Variants in GFRAL observed in about 807,000 individuals in gnomAD.
The protein encoded by GFRAL is GDNF family receptor alpha like, also known as GDNF family receptor alpha-like.
A neutral mutation model predicts 45.4 loss-of-function variants in GFRAL; 36 were observed. That is an observed-to-expected ratio of 0.79 (90% CI 0.61 to 1.05). The LOEUF is 1.05. Among genes scored for constraint, GFRAL ranks in the 50% least tolerant of loss-of-function variants. GFRAL has a pLI of 0.00. For synonymous variants in GFRAL, 166 were observed against 154.1 expected (o/e 1.08, Z -0.57); for missense variants, 507 against 467.5 (o/e 1.08, Z -0.78).
At chr6:55,392,879 A>T (rs1447666638) in intron 6 of GFRAL, among the ~76,000 whole-genome samples, 2 of 152,132 alleles carry the variant, frequency 1.3e-5, no homozygotes, top group East Asian at 1.9e-4. Flanking sequence ...CTTAAAAATT[A>T]AACAAAATAG....
Position 55,351,340 on chromosome 6 carries a change from AAG to A in GFRAL, c.459_460del (p.Lys153AsnfsTer10). The A allele has an allele frequency of 6.2e-7, 1 of 1,613,652 alleles. No homozygotes were observed. The highest frequency in any genetic ancestry group is 8.5e-7 in the Non-Finnish European group (1 of 1,179,740). On this transcript the variant is annotated frameshift_variant, in exon 5 of 9. Transcript: ENST00000340465. LOFTEE classifies it high-confidence loss of function. ...AATGCACAGTTGGCCTCTTACCTTA[AAG>A]CTTGCTCAGCAAATGGAAATCCGTG... is the stretch of plus-strand genomic sequence containing the variant.
chr6:55,336,721 TC>T, intron 3 of GFRAL, among the ~76,000 whole-genome samples: 1 of 152,294 alleles, frequency 6.6e-6, no homozygotes, highest in South Asian at 2.1e-4. Flanking sequence ...TCATTTATTT[TC>T]CCTGCTTTAT....
intron 3 of GFRAL, among the ~76,000 whole-genome samples, chr6:55,344,010 C>T (rs568348016): frequency 6.6e-6 from 1 of 152,208 alleles, no homozygotes; most frequent in Non-Finnish European, 1.5e-5. Context: ...CCTGCATAGA[C>T]CAATAACAAG....
intron 6 of GFRAL, among the ~76,000 whole-genome samples, chr6:55,384,038 C>A (rs1288478286): frequency 2.0e-5 from 3 of 151,958 alleles, no homozygotes; most frequent in Non-Finnish European, 4.4e-5. Context: ...GTCAATGGAA[C>A]AAAAGATCTC....
At chr6:55,365,169 G>A (rs1229186855) in intron 6 of GFRAL, among the ~76,000 whole-genome samples, 1 of 150,762 alleles carries the variant, frequency 6.6e-6, no homozygotes, top group Non-Finnish European at 1.5e-5. Context: ...CTTGTAAGTG[G>A]GATTCCTAGG....
At chr6:55,358,485 G>A (rs1474863761) in intron 5 of GFRAL, among the ~76,000 whole-genome samples, 2 of 151,914 alleles carry the variant, frequency 1.3e-5, no homozygotes, top group African/African-American at 4.8e-5. Flanking sequence ...GACTTGAAAA[G>A]TCAAATACCT....
chr6:55,387,949 T>C (rs1768701020), intron 6 of GFRAL, among the ~76,000 whole-genome samples: 1 of 152,166 alleles, frequency 6.6e-6, no homozygotes, highest in Non-Finnish European at 1.5e-5. Flanking sequence ...AAATTAGTTC[T>C]CAAACTAGAT....
chr6:55,364,722 C>T (rs1768334241), intron 6 of GFRAL, among the ~76,000 whole-genome samples: 1 of 151,682 alleles, frequency 6.6e-6, no homozygotes, highest in East Asian at 1.9e-4. Context: ...TTGTTTTTCT[C>T]AGGTTTGTCA....
intron 3 of GFRAL, among the ~76,000 whole-genome samples, chr6:55,337,852 A>ATG (rs1410095664): frequency 6.6e-6 from 1 of 151,862 alleles, no homozygotes; most frequent in African/African-American, 2.4e-5. Flanking sequence ...TTGTTTCTTT[A>ATG]TGTGTATGTC....
chr6:55,329,664 T>A (rs1169433038), intron 1 of GFRAL, among the ~76,000 whole-genome samples: 2 of 152,020 alleles, frequency 1.3e-5, no homozygotes, highest in East Asian at 3.9e-4. Context: ...AGGTTGTCCA[T>A]GAACACATGA....
intron 6 of GFRAL, among the ~76,000 whole-genome samples, chr6:55,366,464 A>T (rs1768365549): frequency 7.0e-6 from 1 of 142,436 alleles, no homozygotes; most frequent in African/African-American, 2.7e-5. Context: ...GATTTTAGTT[A>T]TTTCTTGCCT....
intron 6 of GFRAL, among the ~76,000 whole-genome samples, chr6:55,383,561 C>G (rs929826950): frequency 6.6e-6 from 1 of 151,962 alleles, no homozygotes; most frequent in Non-Finnish European, 1.5e-5. Context: ...CTAGGAGCAA[C>G]AGGCTAGACC....
chr6:55,394,760 G>A (rs1167256427), intron 6 of GFRAL, among the ~76,000 whole-genome samples: 1 of 152,008 alleles, frequency 6.6e-6, no homozygotes, highest in Non-Finnish European at 1.5e-5. Flanking sequence ...GGTAATGACT[G>A]CAAAGACATC....
At chr6:55,336,033 C>T (rs938877883) in intron 3 of GFRAL, among the ~76,000 whole-genome samples, 4 of 152,152 alleles carry the variant, frequency 2.6e-5, no homozygotes, top group Non-Finnish European at 5.9e-5. Context: ...CAGCCTCTAC[C>T]TCCTGGGTTC....
chr6:55,328,803 ACTT>A (rs1346396976), intron 1 of GFRAL, among the ~76,000 whole-genome samples: 4 of 152,014 alleles, frequency 2.6e-5, no homozygotes, highest in African/African-American at 4.8e-5. Flanking sequence ...GAGGGAAATA[ACTT>A]CTTAACATTG....
rs529892041 is a variant in GFRAL, at chr6:55,357,502, C to T, written c.702-1386C>T. Among the ~76,000 whole-genome samples, 6 of 151,428 alleles carry T rather than the reference C, an allele frequency of 4.0e-5. No homozygotes were observed. In the South Asian group the frequency reaches 1.2e-3, roughly 31 times the overall value. ...CTACTCCTGCTTCTTTTTTTGGTTC[C>T]ATTGGCATAGAATATCTTTTTCCAT... On this transcript the variant is annotated intron_variant, in intron 5 of 8. Transcript: ENST00000340465.
chr6:55,368,036 T>C (rs1768389864), intron 6 of GFRAL, among the ~76,000 whole-genome samples: 1 of 148,552 alleles, frequency 6.7e-6, no homozygotes, highest in Non-Finnish European at 1.5e-5. Context: ...CTGCAGAGTG[T>C]TTTCCAACTT....
chr6:55,364,648 T>C (rs1015022211), intron 6 of GFRAL, among the ~76,000 whole-genome samples: 1 of 150,880 alleles, frequency 6.6e-6, no homozygotes, highest in Non-Finnish European at 1.5e-5. Context: ...GTTTCAGCTT[T>C]CTACATATGG....
chr6:55,368,714 G>C (rs941605726), intron 6 of GFRAL, among the ~76,000 whole-genome samples: 16 of 152,200 alleles, frequency 1.1e-4, no homozygotes, highest in African/African-American at 3.6e-4. Context: ...TGAGGTGTCA[G>C]TCTGCCCCTG....
Sources: allele counts gnomAD v4.1 joint callset (sites outside exome capture counted in the v4.1 genomes callset), GRCh38; gene constraint gnomAD v4.1.1; transcripts MANE v1.5; gene names NCBI Gene and HGNC (gene_info 2026-07-23, HGNC 2026-07-21).